Variants in PIWIL2 observed in about 807,000 individuals in gnomAD.
The protein encoded by PIWIL2 is piwi like RNA-mediated gene silencing 2, also known as piwi-like protein 2.
A neutral mutation model predicts 116.5 loss-of-function variants in PIWIL2; 81 were observed. That is an observed-to-expected ratio of 0.70 (90% confidence interval 0.58 to 0.84). PIWIL2 has a LOEUF of 0.84. PIWIL2 is among the 40% of genes least tolerant of loss of function. The probability of loss-of-function intolerance (pLI) is 0.00; values close to 1 mark genes in which losing one functional copy is unlikely to be tolerated. For missense variants in PIWIL2, 1,272 were observed against 1,212.3 expected, an observed-to-expected ratio of 1.05 and a Z score of -0.73; for synonymous variants, 489 against 429.5, an observed-to-expected ratio of 1.14 and a Z score of -1.71.
chr8:22,316,795 A>G (rs1233937396), intron 19 of PIWIL2, among the ~76,000 whole-genome samples: 1 of 150,956 alleles, frequency 6.6e-6, no homozygotes, highest in African/African-American at 2.4e-5. Context: ...AAATTTGTTT[A>G]TGCAACTTTT....
chr8:22,292,444 C>T (rs1417665140), intron 10 of PIWIL2, among the ~76,000 whole-genome samples: 1 of 152,204 alleles, frequency 6.6e-6, no homozygotes, highest in Non-Finnish European at 1.5e-5. Context: ...TTGAAAGTGG[C>T]ACTTAAGTGG....
chr8:22,336,903 G>A (rs185926373), intron 20 of PIWIL2, among the ~76,000 whole-genome samples: 20 of 152,268 alleles, frequency 1.3e-4, no homozygotes, highest in African/African-American at 4.1e-4. Context: ...CTAAGATCAG[G>A]AATGAGAGCG....
intron 13 of PIWIL2, among the ~76,000 whole-genome samples, 181 bp from the exon 14 acceptor site, chr8:22,307,752 A>G (rs1359801145): frequency 1.3e-5 from 2 of 152,056 alleles, no homozygotes; most frequent in East Asian, 1.9e-4. Flanking sequence ...CTTCCAATCA[A>G]TTTTTAACCT....
intron 1 of PIWIL2, among the ~76,000 whole-genome samples, chr8:22,278,192 G>T (rs1830422144): frequency 6.6e-6 from 1 of 151,366 alleles, no homozygotes; most frequent in Admixed American, 6.6e-5. Context: ...GGGAGGAAAA[G>T]AAATTGTTTA....
intron 1 of PIWIL2, among the ~76,000 whole-genome samples, chr8:22,276,926 G>A (rs1035814725): frequency 2.0e-5 from 3 of 151,750 alleles, no homozygotes; most frequent in Admixed American, 6.6e-5. Flanking sequence ...ATTCTTTTCC[G>A]TTAAGAAATA....
intron 1 of PIWIL2, among the ~76,000 whole-genome samples, chr8:22,277,173 C>T (rs1333511872): frequency 6.6e-6 from 1 of 152,108 alleles, no homozygotes; most frequent in East Asian, 1.9e-4. Context: ...AGGCATGCAC[C>T]ACCATGCCTG....
At chr8:22,307,014 A>G (rs1049061884) in intron 13 of PIWIL2, among the ~76,000 whole-genome samples, 1 of 152,260 alleles carries the variant, frequency 6.6e-6, no homozygotes, top group Admixed American at 6.5e-5. Flanking sequence ...GTACCTATAA[A>G]TGAGTCAAAC....
In PIWIL2 at chr8:22,314,324, C is replaced by T. The variant is rs545737368; in HGVS notation, c.1990-4C>T. 5.9e-6 allele frequency: 9 copies of T among 1,518,966 alleles called. No individual in the cohort carries two copies. In the African/African-American group the frequency reaches 9.8e-5, roughly 16 times the overall value. The allele number at this position is 1,518,966 out of a possible 1,614,324, so 94.1% of individuals were successfully genotyped here. A position where few individuals can be genotyped will look rare whatever the true frequency, so the allele number is the denominator to read the frequency against. On this transcript the variant is annotated splice_polypyrimidine_tract_variant and splice_region_variant and intron_variant, in intron 16 of 22. Transcript: ENST00000356766. ...CTGACTTGTATATACCTTATCTCCT[C>T]AAGGGGAAGATACAGATGGTTGTTT...
chr8:22,351,068 A>G (rs1832341799), intron 20 of PIWIL2, among the ~76,000 whole-genome samples: 3 of 151,882 alleles, frequency 2.0e-5, no homozygotes, highest in Non-Finnish European at 4.4e-5. Context: ...CAAGAATTGC[A>G]TGAGCCTGGG....
At chr8:22,277,931 G>A (rs2131973083) in intron 1 of PIWIL2, among the ~76,000 whole-genome samples, 1 of 150,564 alleles carries the variant, frequency 6.6e-6, no homozygotes, top group Non-Finnish European at 1.5e-5. Context: ...CACTTTGGGA[G>A]GCCCAGGTGG....
chr8:22,301,712 C>T (rs888942072), intron 10 of PIWIL2, among the ~76,000 whole-genome samples: 7 of 142,892 alleles, frequency 4.9e-5, no homozygotes, highest in Admixed American at 3.0e-4. Flanking sequence ...AACTCGAGGT[C>T]GCAAAGATTT....
chr8:22,321,804 A>C (rs561421677), intron 20 of PIWIL2: 1 of 941,480 alleles, frequency 1.1e-6, no homozygotes, highest in Non-Finnish European at 1.3e-6. Flanking sequence ...TAAGATTCTG[A>C]CTACCTCTGG....
chr8:22,297,287 AT>A (rs970995114), intron 10 of PIWIL2, among the ~76,000 whole-genome samples: 1 of 151,666 alleles, frequency 6.6e-6, no homozygotes, highest in African/African-American at 2.4e-5. Flanking sequence ...AGCCTATTTT[AT>A]TTTTATTTTT....
At chr8:22,340,808 C>T (rs1173088062) in intron 20 of PIWIL2, among the ~76,000 whole-genome samples, 1 of 152,010 alleles carries the variant, frequency 6.6e-6, no homozygotes, top group African/African-American at 2.4e-5. Flanking sequence ...ACCTCCCAGG[C>T]TGAAGCAATT....
At chr8:22,297,396 C>T (rs1830933079) in intron 10 of PIWIL2, among the ~76,000 whole-genome samples, 1 of 152,180 alleles carries the variant, frequency 6.6e-6, no homozygotes, top group Non-Finnish European at 1.5e-5. Context: ...GCTAGGATTA[C>T]AGGTGTGAGC....
chr8:22,305,273 A>T (rs1212791197), intron 12 of PIWIL2, among the ~76,000 whole-genome samples: 2 of 151,646 alleles, frequency 1.3e-5, no homozygotes, highest in Non-Finnish European at 2.9e-5. Flanking sequence ...GCTCACTGCA[A>T]GCTCCGCCTC....
At chr8:22,308,180 A>G (rs1586563228) in intron 14 of PIWIL2, 107 bp downstream of exon 14, 4 of 880,342 alleles carry the variant, frequency 4.5e-6, no homozygotes, top group Non-Finnish European at 6.5e-6. Flanking sequence ...TGTCCATGTC[A>G]TTTAATATTT....
At chr8:22,288,382 G>A (rs536206776) in intron 7 of PIWIL2, among the ~76,000 whole-genome samples, 160 bp from the exon 8 acceptor site, 5 of 152,116 alleles carry the variant, frequency 3.3e-5, no homozygotes, top group South Asian at 2.1e-4. Context: ...TAGTTGTCAT[G>A]CTGTGCTTTT....
In PIWIL2 at chr8:22,290,251, C is replaced by T. The variant is rs745337659; in HGVS notation, c.1086C>T (p.Gly362=). 1.9e-6 allele frequency: 3 copies of T among 1,608,078 alleles called. No individual in the cohort carries two copies. Among genetic ancestry groups the T allele is most frequent in the African/African-American group, 2.7e-5 (2 of 74,826 alleles). Residue 362 remains glycine (G), a synonymous_variant, in exon 10 of 23, where the codon GGC becomes GGT. Transcript: ENST00000356766. ...LQQHRLQIWP[G]YAASIRRTDG... ...TCTCCAGATTGCAGATCTGGCCAGG[C>T]TATGCAGCTAGCATCCGAAGGACAG...
Sources: gnomAD v4.1 joint callset for allele counts (sites outside exome capture counted in the v4.1 genomes callset) on GRCh38, gnomAD v4.1.1 for gene constraint, MANE v1.5 for transcripts, NCBI Gene and HGNC (gene_info 2026-07-23, HGNC 2026-07-21) for gene names.